Variants in PALM2AKAP2 observed in about 807,000 individuals in gnomAD.
PALM2AKAP2 encodes PALM2-AKAP2 fusion protein.
PALM2AKAP2 carries 37 observed loss-of-function variants against 71.5 expected under a neutral mutation model. The ratio of observed to expected loss-of-function variants is 0.52; its 90% CI spans 0.40 to 0.68. The LOEUF is 0.68. Ranked by LOEUF, PALM2AKAP2 falls within the 30% of genes least tolerant of loss-of-function variation. PALM2AKAP2 has a pLI of 0.00. For synonymous variants in PALM2AKAP2, 468 were observed against 478.8 expected (o/e 0.98, Z 0.29); for missense variants, 1,224 against 1,191.8 (o/e 1.03, Z -0.40).
At chr9:109,890,660 G>C (rs1830067759) in intron 3 of PALM2AKAP2, among the ~76,000 whole-genome samples, 1 of 152,220 alleles carries the variant, frequency 6.6e-6, no homozygotes, top group African/African-American at 2.4e-5. Flanking sequence ...GGTTTGGGTA[G>C]TTTCATCAGG....
intron 7 of PALM2AKAP2, among the ~76,000 whole-genome samples, chr9:110,026,753 A>G (rs187847044): frequency 6.6e-6 from 1 of 152,328 alleles, no homozygotes; most frequent in Non-Finnish European, 1.5e-5. Context: ...AATAGTAAAA[A>G]GCCAGTAAGG....
intron 1 of PALM2AKAP2, among the ~76,000 whole-genome samples, chr9:109,848,673 C>T (rs557566339): frequency 4.0e-5 from 6 of 151,638 alleles, no homozygotes; most frequent in African/African-American, 7.3e-5. Flanking sequence ...TGGGTGTGGT[C>T]GCTCACACCT....
chr9:109,837,513 A>C (rs958627902), intron 1 of PALM2AKAP2, among the ~76,000 whole-genome samples: 1 of 152,234 alleles, frequency 6.6e-6, no homozygotes. Flanking sequence ...GACAGGATCA[A>C]ATTCACACAT....
chr9:109,677,735 CA>C (rs1417634677), intron 1 of PALM2AKAP2, among the ~76,000 whole-genome samples: 1 of 151,536 alleles, frequency 6.6e-6, no homozygotes, highest in African/African-American at 2.4e-5. Flanking sequence ...CATTTTAAGA[CA>C]GAGGTTTCTT....
intron 1 of PALM2AKAP2, among the ~76,000 whole-genome samples, chr9:110,099,127 A>G (rs1834930751): frequency 6.6e-6 from 1 of 152,208 alleles, no homozygotes; most frequent in Non-Finnish European, 1.5e-5. Context: ...GGGGAAGAAA[A>G]TCTTACTCAT....
At chr9:109,734,438 A>G (rs981036710) in intron 1 of PALM2AKAP2, among the ~76,000 whole-genome samples, 1 of 152,224 alleles carries the variant, frequency 6.6e-6, no homozygotes, top group Non-Finnish European at 1.5e-5. Flanking sequence ...TTACAATTAA[A>G]TAATATTAAA....
In PALM2AKAP2 at chr9:109,958,403, A is replaced by G. The variant is rs144133145; in HGVS notation, c.496+26375A>G. 8.6e-3 allele frequency among the ~76,000 whole-genome samples: 1,305 copies of G among 152,336 alleles called. 9 individuals carry two copies. Among genetic ancestry groups the G allele is most frequent in the Non-Finnish European group, 0.014 (981 of 68,026 alleles). ...AGCATTCTTGAGTGTAAAGGGACCC[A>G]TGGACTGAGCTTTGTCTCATTTATG... On this transcript the variant is annotated intron_variant, in intron 6 of 9. Transcript: ENST00000302798.
At chr9:109,806,444 C>G (rs1250223973) in intron 1 of PALM2AKAP2, among the ~76,000 whole-genome samples, 1 of 152,154 alleles carries the variant, frequency 6.6e-6, no homozygotes, top group Non-Finnish European at 1.5e-5. Flanking sequence ...AGTCTCTGCC[C>G]TCACGGAGCT....
intron 7 of PALM2AKAP2, among the ~76,000 whole-genome samples, chr9:110,033,398 C>G (rs1436337248): frequency 6.6e-6 from 1 of 152,174 alleles, no homozygotes. Flanking sequence ...CTTTCTTTTC[C>G]TCTCTTTCCT....
chr9:109,841,974 G>A (rs1354987314), intron 1 of PALM2AKAP2, among the ~76,000 whole-genome samples: 2 of 147,624 alleles, frequency 1.4e-5, no homozygotes, highest in Non-Finnish European at 3.0e-5. Context: ...GGGATGGAGG[G>A]GAAGTTGGAG....
chr9:110,098,891 A>G (rs1377231130), intron 1 of PALM2AKAP2, among the ~76,000 whole-genome samples: 1 of 152,226 alleles, frequency 6.6e-6, no homozygotes, highest in Non-Finnish European at 1.5e-5. Flanking sequence ...TAAATTCACT[A>G]TATGAAAAGC....
chr9:109,832,107 G>A (rs1471226896), intron 1 of PALM2AKAP2, among the ~76,000 whole-genome samples: 3 of 152,154 alleles, frequency 2.0e-5, no homozygotes, highest in African/African-American at 7.2e-5. Context: ...GGCAAGGCTG[G>A]ACAAGCATAA....
At chr9:109,698,436 C>A (rs1288939428) in intron 1 of PALM2AKAP2, among the ~76,000 whole-genome samples, 1 of 152,124 alleles carries the variant, frequency 6.6e-6, no homozygotes, top group African/African-American at 2.4e-5. Flanking sequence ...TGCCACCACG[C>A]CTGGCTAATA....
intron 3 of PALM2AKAP2, 25 bp from the exon 11 acceptor site, chr9:110,168,374 A>G (rs779094030): frequency 7.4e-6 from 12 of 1,610,966 alleles, no homozygotes; most frequent in Non-Finnish European, 1.0e-5. Flanking sequence ...TGAACTCTGC[A>G]TAATTTTTTC....
At chr9:110,062,872 T>A (rs1470585102) in intron 1 of PALM2AKAP2, among the ~76,000 whole-genome samples, 1 of 152,186 alleles carries the variant, frequency 6.6e-6, no homozygotes, top group Non-Finnish European at 1.5e-5. Flanking sequence ...GGTTCCTAAA[T>A]AAGATGGCTA....
intron 1 of PALM2AKAP2, among the ~76,000 whole-genome samples, chr9:109,670,873 A>T (rs752027525): frequency 2.8e-4 from 43 of 152,164 alleles, no homozygotes; most frequent in Non-Finnish European, 5.6e-4. Context: ...ATAATCAGTG[A>T]TGTTGAGCCT....
chr9:109,953,884 G>A (rs12686628), intron 6 of PALM2AKAP2, among the ~76,000 whole-genome samples: 6,567 of 149,748 alleles, frequency 0.044, 339 homozygotes, highest in East Asian at 0.26. Flanking sequence ...AGATGCCCCT[G>A]AGACTGGAGA....
chr9:109,829,837 A>T (rs982347937), intron 1 of PALM2AKAP2, among the ~76,000 whole-genome samples: 1 of 152,100 alleles, frequency 6.6e-6, no homozygotes, highest in Non-Finnish European at 1.5e-5. Context: ...GCAATGCAAA[A>T]TAACCTTGAT....
chr9:109,828,758 A>G (rs1192160120), intron 1 of PALM2AKAP2, among the ~76,000 whole-genome samples: 4 of 152,274 alleles, frequency 2.6e-5, no homozygotes, highest in Non-Finnish European at 4.4e-5. Context: ...TGACACTGAC[A>G]TGAATAAATG....
Sources: allele counts gnomAD v4.1 joint callset (sites outside exome capture counted in the v4.1 genomes callset), GRCh38; gene constraint gnomAD v4.1.1; transcripts MANE v1.5; gene names NCBI Gene and HGNC (gene_info 2026-07-23, HGNC 2026-07-21).